TRPM3: variants seen among roughly 807,000 people sequenced by gnomAD.
TRPM3 encodes transient receptor potential cation channel subfamily M member 3.
In TRPM3, 77 loss-of-function variants were observed where a neutral mutation model predicts 181.2. The ratio of observed to expected loss-of-function variants is 0.42; its 90% CI spans 0.35 to 0.51. The LOEUF is 0.51. Among genes scored for constraint, TRPM3 ranks in the 20% least tolerant of loss-of-function variants. The probability of loss-of-function intolerance (pLI) is 0.01; values close to 1 mark genes in which losing one functional copy is unlikely to be tolerated. For synonymous variants in TRPM3, 745 were observed against 796.4 expected (o/e 0.94, Z 1.09); for missense variants, 1,759 against 2,196.7 (o/e 0.80, Z 3.98).
intron 1 of TRPM3, among the ~76,000 whole-genome samples, chr9:71,304,853 G>C (rs2087120373): frequency 6.6e-6 from 1 of 152,058 alleles, no homozygotes; most frequent in African/African-American, 2.4e-5. Flanking sequence ...CTGTAGCTCG[G>C]GTGAATCTCT....
intron 6 of TRPM3, among the ~76,000 whole-genome samples, chr9:70,804,050 G>A (rs1032748605): frequency 2.0e-5 from 3 of 151,914 alleles, no homozygotes; most frequent in Non-Finnish European, 2.9e-5. Flanking sequence ...TACTGTTCTG[G>A]CCAGGCATGG....
intron 1 of TRPM3, among the ~76,000 whole-genome samples, chr9:71,280,847 T>C (rs1198878012): frequency 6.6e-6 from 1 of 152,200 alleles, no homozygotes; most frequent in Non-Finnish European, 1.5e-5. Context: ...ATGGCACACA[T>C]TCAAGGAGGA....
chr9:70,872,095 A>G (rs1486276396), intron 1 of TRPM3, among the ~76,000 whole-genome samples: 2 of 152,058 alleles, frequency 1.3e-5, no homozygotes, highest in African/African-American at 2.4e-5. Context: ...AGTAGTGGTT[A>G]GCAAACGTTT....
chr9:71,253,011 G>C (rs1412958450), intron 1 of TRPM3, among the ~76,000 whole-genome samples: 3 of 151,950 alleles, frequency 2.0e-5, no homozygotes, highest in South Asian at 2.1e-4. Context: ...TATGGAACTT[G>C]GCTGAGTTTT....
chr9:70,779,800 A>G (rs1040227271), intron 7 of TRPM3, among the ~76,000 whole-genome samples: 1 of 152,192 alleles, frequency 6.6e-6, no homozygotes, highest in Admixed American at 6.6e-5. Context: ...AACAAAATTA[A>G]TTACGGAAAG....
At chr9:70,546,052 A>G (rs1005401778) in intron 25 of TRPM3, among the ~76,000 whole-genome samples, 2 of 152,148 alleles carry the variant, frequency 1.3e-5, no homozygotes, top group African/African-American at 4.8e-5. Flanking sequence ...TTAAGTCGAC[A>G]TTGATCAGGT....
intron 1 of TRPM3, among the ~76,000 whole-genome samples, chr9:71,288,934 GA>G (rs112297844): frequency 9.7e-4 from 148 of 151,804 alleles, no homozygotes; most frequent in East Asian, 3.5e-3. Flanking sequence ...AAATAGGGGG[GA>G]AAAAAAATTC....
chr9:71,421,733 C>G (rs2093777964), intron 1 of TRPM3, among the ~76,000 whole-genome samples: 1 of 152,042 alleles, frequency 6.6e-6, no homozygotes, highest in African/African-American at 2.4e-5. Flanking sequence ...GGCTACAGAC[C>G]TGTACATCAT....
intron 1 of TRPM3, among the ~76,000 whole-genome samples, chr9:71,134,004 TGTGTGTGTGTGCGCGTGCGC>T (rs1174792954): frequency 6.8e-4 from 53 of 77,832 alleles, no homozygotes; most frequent in East Asian, 2.5e-3. Flanking sequence ...TGTGTGTGTG[TGTGTGTGTGTGCGCGTGCGC>T]GCGCGCGCGT....
intron 25 of TRPM3, among the ~76,000 whole-genome samples, chr9:70,542,368 CTT>C (rs2043658143): frequency 1.3e-5 from 2 of 152,146 alleles, no homozygotes; most frequent in African/African-American, 4.8e-5. Context: ...GAGAGGAACT[CTT>C]TATTGAAATT....
intron 1 of TRPM3, among the ~76,000 whole-genome samples, chr9:71,439,505 G>A (rs148155641): frequency 1.4e-3 from 210 of 152,150 alleles, no homozygotes; most frequent in African/African-American, 3.2e-3. Context: ...CAAAACCAGC[G>A]AATGACCTGA....
At chr9:70,837,525 G>A (rs2094400187) in intron 5 of TRPM3, among the ~76,000 whole-genome samples, 1 of 152,122 alleles carries the variant, frequency 6.6e-6, no homozygotes, top group Non-Finnish European at 1.5e-5. Flanking sequence ...GATTATGTCT[G>A]GGTTTTTAAA....
intron 1 of TRPM3, among the ~76,000 whole-genome samples, chr9:71,351,780 C>T (rs187196812): frequency 6.7e-4 from 102 of 151,282 alleles, no homozygotes; most frequent in African/African-American, 2.4e-3. Context: ...AAATGATAAA[C>T]ACTAAGTCCA....
intron 1 of TRPM3, among the ~76,000 whole-genome samples, chr9:70,956,526 G>A (rs998373579): frequency 6.6e-6 from 1 of 152,032 alleles, no homozygotes; most frequent in African/African-American, 2.4e-5. Context: ...GTGGATATAT[G>A]TGCATATATT....
chr9:70,571,671 A>T (rs926645989), intron 22 of TRPM3, among the ~76,000 whole-genome samples: 1 of 152,122 alleles, frequency 6.6e-6, no homozygotes, highest in African/African-American at 2.4e-5. Flanking sequence ...AGGGGCAACA[A>T]TCCTATCTTG....
intron 22 of TRPM3, among the ~76,000 whole-genome samples, chr9:70,590,572 G>A (rs1408159862): frequency 1.3e-5 from 2 of 152,208 alleles, no homozygotes; most frequent in East Asian, 1.9e-4. Flanking sequence ...CCATGCAGAT[G>A]TTTGCCCTTA....
At chr9:71,420,713 AAGAGAGAAAG>A (rs1565556861) in intron 1 of TRPM3, among the ~76,000 whole-genome samples, 7 of 20,602 alleles carry the variant, frequency 3.4e-4, no homozygotes, top group Admixed American at 1.1e-3. Context: ...GAGAGAAAGA[AAGAGAGAAAG>A]AGAGAGAGAG....
At position 70,816,184 on chromosome 9, in the gene TRPM3, T is replaced by C. The variant is rs530678556; in HGVS notation, c.973+11663A>G. 1.2e-4 allele frequency among the ~76,000 whole-genome samples: 19 copies of C among 152,380 alleles called. No individual in the cohort carries two copies. The South Asian group carries it at 3.9e-3, about 32-fold the overall frequency. ...ACAAAGTGACCCAGTTCACTATTTA[T>C]TGAGAGAACTCTAGCTAGTAATTAT... On this transcript the variant is annotated intron_variant, in intron 6 of 25. Transcript: ENST00000677713.
At chr9:71,382,614 T>C (rs1047080542) in intron 1 of TRPM3, among the ~76,000 whole-genome samples, 9 of 151,740 alleles carry the variant, frequency 5.9e-5, no homozygotes, top group Non-Finnish European at 1.3e-4. Flanking sequence ...TAAACCCTCA[T>C]ATAAGTGGCA....
Sources: gnomAD v4.1 joint callset for allele counts (sites outside exome capture counted in the v4.1 genomes callset) on GRCh38, gnomAD v4.1.1 for gene constraint, MANE v1.5 for transcripts, NCBI Gene and HGNC (gene_info 2026-07-23, HGNC 2026-07-21) for gene names.